BAZ1B: variants seen among roughly 807,000 people sequenced by gnomAD.
BAZ1B encodes bromodomain adjacent to zinc finger domain 1B, also known as tyrosine-protein kinase BAZ1B.
BAZ1B carries 22 observed loss-of-function variants against 153.8 expected under a neutral mutation model. The observed-to-expected ratio is 0.14, with a 90% confidence interval of 0.10 to 0.20. The LOEUF is 0.20. Among genes scored for constraint, BAZ1B ranks in the 10% least tolerant of loss-of-function variants. BAZ1B has a pLI of 1.00. For missense variants in BAZ1B, 1,325 were observed against 1,799.3 expected (o/e 0.74, Z 4.77); for synonymous variants, 676 against 633.4 (o/e 1.07, Z -1.01).
At chr7:73,464,255 A>C in intron 11 of BAZ1B, 1 of 679,682 alleles carries the variant, frequency 1.5e-6, no homozygotes, top group Non-Finnish European at 1.8e-6. Context: ...ATTAAGCCAA[A>C]ATCTTGTCCT....
intron 3 of BAZ1B, among the ~76,000 whole-genome samples, chr7:73,504,008 A>ACTC (rs1334508476): frequency 6.6e-6 from 1 of 151,400 alleles, no homozygotes; most frequent in Non-Finnish European, 1.5e-5. Context: ...TCCTGTACCC[A>ACTC]CTCCCTCCCT....
At chr7:73,449,391 C>G (rs1554567538) in intron 15 of BAZ1B, 151 bp downstream of exon 15, 1 of 874,188 alleles carries the variant, frequency 1.1e-6, no homozygotes, top group Admixed American at 3.6e-5. Flanking sequence ...GTCCTTTGAG[C>G]TCCTATTGAA....
intron 7 of BAZ1B, among the ~76,000 whole-genome samples, chr7:73,472,730 C>T (rs1554572210): frequency 2.2e-5 from 3 of 139,020 alleles, no homozygotes. Context: ...GCGTGTGCCA[C>T]CACAGCCAGC....
At chr7:73,454,492 G>A (rs370728815) in intron 13 of BAZ1B, among the ~76,000 whole-genome samples, 3 of 152,034 alleles carry the variant, frequency 2.0e-5, no homozygotes, top group African/African-American at 7.2e-5. Flanking sequence ...TATCATCCTC[G>A]GCCTCAGGAA....
chr7:73,485,643 G>C (rs1017343377), intron 6 of BAZ1B, among the ~76,000 whole-genome samples: 2 of 145,406 alleles, frequency 1.4e-5, no homozygotes, highest in Admixed American at 6.9e-5. Context: ...AAAAAAAAAA[G>C]AGAGAGAGAA....
At chr7:73,515,433 G>C (rs1369649664) in intron 1 of BAZ1B, among the ~76,000 whole-genome samples, 2 of 151,926 alleles carry the variant, frequency 1.3e-5, no homozygotes, top group Non-Finnish European at 2.9e-5. Context: ...CCCGGAAGAG[G>C]CTTAAAGTCA....
chr7:73,449,756 A>G (rs1177998919), intron 14 of BAZ1B, 67 bp from the exon 15 acceptor site: 1 of 1,538,930 alleles, frequency 6.5e-7, no homozygotes, highest in Non-Finnish European at 8.8e-7. Context: ...TGTAAGGAAG[A>G]GGCAATCACC....
intron 18 of BAZ1B, 47 bp from the exon 19 acceptor site, chr7:73,442,600 T>C (rs782227782): frequency 1.3e-6 from 2 of 1,568,020 alleles, no homozygotes; most frequent in East Asian, 2.3e-5. Context: ...TTGACGGCAG[T>C]GCCCCTGCCA....
chr7:73,475,723 G>A (rs1788971460), intron 7 of BAZ1B, among the ~76,000 whole-genome samples: 1 of 151,942 alleles, frequency 6.6e-6, no homozygotes, highest in South Asian at 2.1e-4. Context: ...TCAGGAGTTC[G>A]AAACCAGCCT....
intron 11 of BAZ1B, 65 bp downstream of exon 11, chr7:73,465,374 C>A: frequency 1.8e-6 from 2 of 1,116,434 alleles, no homozygotes; most frequent in South Asian, 3.5e-5. Flanking sequence ...AAAAAAAACC[C>A]TCAGATATTT....
chr7:73,492,130 T>A (rs1789672785), intron 5 of BAZ1B, among the ~76,000 whole-genome samples: 1 of 143,768 alleles, frequency 7.0e-6, no homozygotes, highest in African/African-American at 2.6e-5. Context: ...GTAGCTGGGA[T>A]TATAGGCGTG....
chr7:73,494,834 G>A (rs1271023887), intron 4 of BAZ1B, among the ~76,000 whole-genome samples: 3 of 152,226 alleles, frequency 2.0e-5, no homozygotes, highest in Non-Finnish European at 4.4e-5. Context: ...CCAACTAGAC[G>A]TGAGAATGTT....
chr7:73,500,363 C>T (rs1790076168), intron 3 of BAZ1B, among the ~76,000 whole-genome samples: 1 of 151,364 alleles, frequency 6.6e-6, no homozygotes, highest in African/African-American at 2.4e-5. Flanking sequence ...CATGGTGAAA[C>T]CTCATCTCTA....
At chr7:73,476,348 C>G (rs1292671179) in intron 7 of BAZ1B, among the ~76,000 whole-genome samples, 1 of 152,122 alleles carries the variant, frequency 6.6e-6, no homozygotes, top group Non-Finnish European at 1.5e-5. Context: ...AGTTCAGATT[C>G]GATGGAGCCA....
At chr7:73,449,876 A>G (rs1787971092) in intron 14 of BAZ1B, among the ~76,000 whole-genome samples, 187 bp from the exon 15 acceptor site, 1 of 152,234 alleles carries the variant, frequency 6.6e-6, no homozygotes, top group South Asian at 2.1e-4. Context: ...TAGATTACAG[A>G]TAATTTGGGA....
chr7:73,479,516 A>C (rs1443150510), intron 6 of BAZ1B, among the ~76,000 whole-genome samples: 1 of 151,518 alleles, frequency 6.6e-6, no homozygotes. Context: ...CTCAAAAAAA[A>C]AAAAAAAAAA....
At chr7:73,491,077 G>A (rs939095000) in intron 5 of BAZ1B, among the ~76,000 whole-genome samples, 8 of 151,808 alleles carry the variant, frequency 5.3e-5, no homozygotes, top group Non-Finnish European at 1.2e-4. Context: ...CACAAGGTCA[G>A]GAGTTCAAGA....
chr7:73,461,812 G>A (rs1361893970), intron 12 of BAZ1B, among the ~76,000 whole-genome samples: 7 of 152,326 alleles, frequency 4.6e-5, no homozygotes, highest in Non-Finnish European at 7.4e-5. Context: ...TATGTTGGCT[G>A]GGTGAGGTGG....
intron 6 of BAZ1B, among the ~76,000 whole-genome samples, chr7:73,488,586 G>A (rs532269389): frequency 1.3e-5 from 2 of 152,002 alleles, no homozygotes; most frequent in South Asian, 2.1e-4. Context: ...AGAAAAATTA[G>A]CCAGGTGTGG....
Sources: allele counts gnomAD v4.1 joint callset (sites outside exome capture counted in the v4.1 genomes callset), GRCh38; gene constraint gnomAD v4.1.1; transcripts MANE v1.5; gene names NCBI Gene and HGNC (gene_info 2026-07-23, HGNC 2026-07-21).